ESR1: variants seen among roughly 807,000 people sequenced by gnomAD.
ESR1 encodes estrogen receptor.
A neutral mutation model predicts 52.7 loss-of-function variants in ESR1; 12 were observed. The ratio of observed to expected loss-of-function variants is 0.23; its 90% CI spans 0.15 to 0.37. The LOEUF is 0.37. ESR1 is among the 10% of genes least tolerant of loss of function. ESR1 has a pLI of 1.00. For synonymous variants in ESR1, 305 were observed against 316.8 expected (o/e 0.96, Z 0.39); for missense variants, 584 against 779.7 (o/e 0.75, Z 2.99).
chr6:151,928,284 T>C lies in ESR1; in HGVS notation c.761-15889T>C, dbSNP rs148084837. Among the ~76,000 whole-genome samples, 913 of 152,246 alleles carry C rather than the reference T, an allele frequency of 6.0e-3. 10 individuals carry two copies. Among genetic ancestry groups the C allele is most frequent in the African/African-American group, 0.019 (810 of 41,548 alleles). On this transcript the variant is annotated intron_variant, in intron 3 of 7. Coordinates refer to ENST00000206249, the MANE Select transcript of ESR1 (RefSeq NM_000125.4). ...ATCGCTTAGCCTAACCTCCCTTAAA[T>C]GTGCTCAGAACACATACATTAGCCT...
chr6:152,008,112 G>T (rs553990594), intron 4 of ESR1, among the ~76,000 whole-genome samples: 1 of 152,204 alleles, frequency 6.6e-6, no homozygotes, highest in African/African-American at 2.4e-5. Context: ...CGCTGAAAAG[G>T]TAGTTAGATG....
intron 5 of ESR1, among the ~76,000 whole-genome samples, chr6:152,022,842 T>A (rs536474992): frequency 2.6e-4 from 40 of 151,986 alleles, no homozygotes; most frequent in African/African-American, 8.9e-4. Flanking sequence ...CCGGGCTTGG[T>A]GGTGCATGCC....
intron 6 of ESR1, among the ~76,000 whole-genome samples, chr6:152,112,392 T>C (rs1270931904): frequency 1.3e-5 from 2 of 152,182 alleles, no homozygotes; most frequent in Non-Finnish European, 2.9e-5. Flanking sequence ...CCCCGACTAG[T>C]GAGTTCCTCC....
intron 1 of ESR1, among the ~76,000 whole-genome samples, chr6:151,827,572 G>A (rs1298704489): frequency 3.3e-5 from 5 of 152,030 alleles, no homozygotes; most frequent in African/African-American, 1.2e-4. Context: ...TGTACACATC[G>A]CCCAGCTTCA....
At chr6:151,695,625 G>T (rs1347277667) in intron 1 of ESR1, among the ~76,000 whole-genome samples, 1 of 152,108 alleles carries the variant, frequency 6.6e-6, no homozygotes, top group African/African-American at 2.4e-5. Context: ...TCTTTCCTCT[G>T]CTGTTCATAG....
rs1394338108 is a variant in ESR1, at chr6:151,712,055, T to C, written c.-71+10050T>C. On this transcript the variant is annotated intron_variant, in intron 2 of 2. Coordinates refer to the ESR1 transcript ENST00000404742. ...AGGAAGGGATCCAGTTTCAGTTTTC[T>C]GCATATGGCTCGCCAGTTTTCCCAT... Among the ~76,000 whole-genome samples, 7 of 152,238 alleles carry C rather than the reference T, an allele frequency of 4.6e-5. 1 individual carries two copies. Among genetic ancestry groups the C allele is most frequent in the Non-Finnish European group, 1.0e-4 (7 of 68,048 alleles).
intron 4 of ESR1, among the ~76,000 whole-genome samples, chr6:151,947,878 T>C (rs1041179791): frequency 5.3e-5 from 8 of 152,092 alleles, no homozygotes; most frequent in Non-Finnish European, 1.0e-4. Context: ...GTTTTTTTTA[T>C]AACACATACT....
intron 2 of ESR1, among the ~76,000 whole-genome samples, chr6:151,764,752 T>C (rs570575063): frequency 6.6e-6 from 1 of 152,338 alleles, no homozygotes; most frequent in Admixed American, 6.5e-5. Context: ...GATCATTTCC[T>C]CTAAAAATTA....
chr6:151,738,557 C>T (rs1167833158), intron 2 of ESR1, among the ~76,000 whole-genome samples: 2 of 152,158 alleles, frequency 1.3e-5, no homozygotes, highest in Non-Finnish European at 2.9e-5. Context: ...TTGACAGTAG[C>T]CCATCCTAAT....
In ESR1 at chr6:152,028,783, T is replaced by G. The variant is rs946189702; in HGVS notation, c.1235+16989T>G. On this transcript the variant is annotated intron_variant, in intron 5 of 7. Coordinates refer to ENST00000206249, the MANE Select transcript of ESR1 (RefSeq NM_000125.4). ...GACTGAAATGTCCCTGTCTGACAGC[T>G]TTGAAGACAGTAGTGGTTCTCCCAG... Among the ~76,000 whole-genome samples the G allele has an allele frequency of 5.3e-5, 8 of 152,296 alleles. No individual in the cohort carries two copies. The South Asian group carries it at 6.2e-4, about 12-fold the overall frequency.
At chr6:151,822,840 G>A (rs1780785381) in intron 1 of ESR1, among the ~76,000 whole-genome samples, 1 of 152,046 alleles carries the variant, frequency 6.6e-6, no homozygotes, top group Non-Finnish European at 1.5e-5. Context: ...ATATCCCACT[G>A]GCCCAAGACT....
At chr6:152,031,817 G>A (rs1381124309) in intron 5 of ESR1, among the ~76,000 whole-genome samples, 4 of 152,144 alleles carry the variant, frequency 2.6e-5, no homozygotes, top group Admixed American at 2.0e-4. Context: ...TGATACCAAA[G>A]CCTGGCAGAG....
At chr6:151,954,080 C>T (rs1032191009) in intron 4 of ESR1, among the ~76,000 whole-genome samples, 3 of 152,260 alleles carry the variant, frequency 2.0e-5, no homozygotes, top group Non-Finnish European at 4.4e-5. Flanking sequence ...GTCTCAAGCA[C>T]GCGCCTGTAC....
intron 1 of ESR1, among the ~76,000 whole-genome samples, chr6:151,812,525 A>G (rs1426683550): frequency 2.0e-5 from 3 of 152,184 alleles, no homozygotes; most frequent in Non-Finnish European, 2.9e-5. Flanking sequence ...TGTGTAAACA[A>G]TTTTACATAA....
chr6:151,700,076 TG>T (rs1439291411), intron 1 of ESR1, among the ~76,000 whole-genome samples: 1 of 143,288 alleles, frequency 7.0e-6, no homozygotes, highest in Admixed American at 7.3e-5. Flanking sequence ...AGAGGACAAG[TG>T]AAAAAAAAAA....
chr6:151,892,911 G>T (rs1348832124), intron 3 of ESR1, among the ~76,000 whole-genome samples: 3 of 152,296 alleles, frequency 2.0e-5, no homozygotes, highest in South Asian at 2.1e-4. Flanking sequence ...CTCATTGGCT[G>T]GGCATGATGG....
At chr6:152,122,716 G>C in intron 6 of ESR1, 8 of 1,612,414 alleles carry the variant, frequency 5.0e-6, no homozygotes, top group Non-Finnish European at 6.8e-6. Flanking sequence ...GATAACTCCA[G>C]TGTCGGAGGG....
intron 6 of ESR1, among the ~76,000 whole-genome samples, chr6:152,065,597 A>C (rs964819011): frequency 6.6e-6 from 1 of 152,166 alleles, no homozygotes; most frequent in Non-Finnish European, 1.5e-5. Flanking sequence ...AGCCTCATGC[A>C]CCTCCCTCCC....
At chr6:151,779,582 T>C (rs1308870308) in intron 2 of ESR1, among the ~76,000 whole-genome samples, 3 of 152,200 alleles carry the variant, frequency 2.0e-5, no homozygotes, top group Non-Finnish European at 4.4e-5. Flanking sequence ...GGTGGGAGTG[T>C]AAATTATTTC....
Sources: gnomAD v4.1 joint callset for allele counts (sites outside exome capture counted in the v4.1 genomes callset) on GRCh38, gnomAD v4.1.1 for gene constraint, MANE v1.5 for transcripts, NCBI Gene and HGNC (gene_info 2026-07-23, HGNC 2026-07-21) for gene names.